Variants in RARB observed in about 807,000 individuals in gnomAD.
RARB encodes HBV-activated protein.
In RARB, 17 loss-of-function variants were observed where a neutral mutation model predicts 51.9. The observed-to-expected ratio is 0.33, with a 90% CI of 0.22 to 0.49. The LOEUF is 0.49. Ranked by LOEUF, RARB falls within the 20% of genes least tolerant of loss-of-function variation. The pLI is 0.99. For missense variants in RARB, 369 were observed against 550.8 expected, an observed-to-expected ratio of 0.67 and a Z score of 3.30; for synonymous variants, 215 against 195.4, an observed-to-expected ratio of 1.10 and a Z score of -0.84.
intron 5 of RARB, among the ~76,000 whole-genome samples, chr3:25,356,250 A>G (rs1705730578): frequency 6.6e-6 from 1 of 152,136 alleles, no homozygotes; most frequent in South Asian, 2.1e-4. Context: ...GAAACTTGAG[A>G]TCCACCAAAG....
At chr3:25,368,933 C>T (rs548350696) in intron 5 of RARB, among the ~76,000 whole-genome samples, 3 of 152,220 alleles carry the variant, frequency 2.0e-5, no homozygotes, top group East Asian at 1.9e-4. Context: ...TGAGCCACAT[C>T]GTTGTTATAT....
chr3:25,249,926 A>G (rs1234946920), intron 5 of RARB, among the ~76,000 whole-genome samples: 1 of 60,212 alleles, frequency 1.7e-5, no homozygotes, highest in East Asian at 3.7e-4. Flanking sequence ...CTGTTGGGCC[A>G]ATTATTGGGT....
Position 25,478,415 on chromosome 3 carries a change from C to T in RARB, c.306+17074C>T, listed in dbSNP as rs575876862. ...AAGCAGGTGGCTTGTTCTTGAGAGC[C>T]TGTTGTAGGAAAAATATGCATCTCT... On this transcript the variant is annotated intron_variant, in intron 2 of 7. Coordinates refer to ENST00000330688, the MANE Select transcript of RARB (RefSeq NM_000965.5). 1.6e-3 allele frequency among the ~76,000 whole-genome samples: 244 copies of T among 152,276 alleles called. 5 individuals are homozygous for T. The highest frequency in any genetic ancestry group is 6.3e-3 in the Admixed American group (97 of 15,296).
At chr3:24,882,600 A>G (rs541676668) in intron 2 of RARB, among the ~76,000 whole-genome samples, 128 of 152,334 alleles carry the variant, frequency 8.4e-4, no homozygotes, top group Middle Eastern at 6.8e-3. Flanking sequence ...TTCAACTTCA[A>G]TATTTTCTCA....
chr3:25,557,164 C>CAG (rs1429769625), intron 3 of RARB, among the ~76,000 whole-genome samples: 6 of 135,390 alleles, frequency 4.4e-5, no homozygotes, highest in African/African-American at 1.3e-4. Flanking sequence ...CACACACACA[C>CAG]ACACACACAA....
At chr3:25,563,136 C>G (rs990040452) in intron 3 of RARB, among the ~76,000 whole-genome samples, 1 of 152,140 alleles carries the variant, frequency 6.6e-6, no homozygotes, top group Non-Finnish European at 1.5e-5. Flanking sequence ...CAATGGACAC[C>G]AGGTCATCTC....
At chr3:25,405,499 C>G (rs899841637) in intron 5 of RARB, among the ~76,000 whole-genome samples, 7 of 152,216 alleles carry the variant, frequency 4.6e-5, no homozygotes, top group African/African-American at 1.7e-4. Flanking sequence ...CTCCTCTGCT[C>G]TCACCTGGCT....
At chr3:25,536,488 A>G (rs1699147537) in intron 3 of RARB, among the ~76,000 whole-genome samples, 2 of 152,224 alleles carry the variant, frequency 1.3e-5, no homozygotes, top group Non-Finnish European at 2.9e-5. Context: ...ATGGGGGAAA[A>G]ACGACAAAAT....
intron 2 of RARB, among the ~76,000 whole-genome samples, chr3:24,905,742 C>G (rs1694849126): frequency 1.3e-5 from 2 of 152,116 alleles, no homozygotes; most frequent in Admixed American, 1.3e-4. Context: ...GGGCCTGGGC[C>G]TTTAAAAGCA....
chr3:25,076,517 A>G (rs1229511999), intron 3 of RARB, among the ~76,000 whole-genome samples: 3 of 152,184 alleles, frequency 2.0e-5, no homozygotes, highest in Non-Finnish European at 4.4e-5. Context: ...ATTTTCCATG[A>G]AACTCTTCTC....
chr3:24,940,297 T>G (rs1177239746), intron 2 of RARB, among the ~76,000 whole-genome samples: 1 of 152,024 alleles, frequency 6.6e-6, no homozygotes, highest in Non-Finnish European at 1.5e-5. Flanking sequence ...GCTCGGTGGG[T>G]GGGAATTTCT....
intron 2 of RARB, among the ~76,000 whole-genome samples, chr3:24,923,258 T>C (rs1223903294): frequency 6.6e-6 from 1 of 152,042 alleles, no homozygotes; most frequent in Admixed American, 6.6e-5. Context: ...CCTCTCTGTA[T>C]TTCACTATAA....
intron 1 of RARB, among the ~76,000 whole-genome samples, chr3:24,835,001 A>C (rs1486156859): frequency 6.7e-6 from 1 of 148,502 alleles, no homozygotes; most frequent in Non-Finnish European, 1.5e-5. Context: ...GTGCCTTTCC[A>C]TTCTCTCTTC....
intron 1 of RARB, among the ~76,000 whole-genome samples, chr3:24,853,884 A>C (rs1386337598): frequency 6.6e-6 from 1 of 152,234 alleles, no homozygotes; most frequent in East Asian, 1.9e-4. Context: ...ATACCATCTT[A>C]AAGTGGACAG....
chr3:25,567,721 G>A (rs191015096), intron 3 of RARB, among the ~76,000 whole-genome samples: 66 of 152,234 alleles, frequency 4.3e-4, no homozygotes, highest in African/African-American at 1.2e-3. Flanking sequence ...AAAAACTGCC[G>A]AGTACTCTTC....
At chr3:24,903,024 CTG>C (rs896324292) in intron 2 of RARB, among the ~76,000 whole-genome samples, 11 of 151,982 alleles carry the variant, frequency 7.2e-5, no homozygotes, top group South Asian at 2.1e-4. Flanking sequence ...ACAAGAATAA[CTG>C]TTATTGGAAA....
chr3:24,905,346 T>G (rs1694837761), intron 2 of RARB, among the ~76,000 whole-genome samples: 1 of 152,208 alleles, frequency 6.6e-6, no homozygotes, highest in East Asian at 1.9e-4. Flanking sequence ...CTCATTGTCT[T>G]AAGGCCAAAT....
At chr3:25,555,666 T>A (rs1418070392) in intron 3 of RARB, 2 of 152,164 alleles carry the variant, frequency 1.3e-5, no homozygotes, top group Non-Finnish European at 2.9e-5. Context: ...CTCTAGTTAT[T>A]TCTTGGATGT....
chr3:24,901,784 T>C (rs938359726), intron 2 of RARB, among the ~76,000 whole-genome samples: 1 of 152,134 alleles, frequency 6.6e-6, no homozygotes, highest in African/African-American at 2.4e-5. Flanking sequence ...AGCTGTCGCT[T>C]CTTAGAATAG....
Sources: allele counts gnomAD v4.1 joint callset (sites outside exome capture counted in the v4.1 genomes callset), GRCh38; gene constraint gnomAD v4.1.1; transcripts MANE v1.5; gene names NCBI Gene and HGNC (gene_info 2026-07-23, HGNC 2026-07-21).